Variants in WIPF3 observed in about 807,000 individuals in gnomAD.
The protein encoded by WIPF3 is WAS/WASL interacting protein family member 3.
A neutral mutation model predicts 38.9 loss-of-function variants in WIPF3; 33 were observed. The observed-to-expected ratio is 0.85, with a 90% CI of 0.64 to 1.14. The LOEUF is 1.14. WIPF3 is among the 50% of genes most tolerant of loss of function. The pLI is 0.00. For synonymous variants in WIPF3, 324 were observed against 269.3 expected (o/e 1.20, Z -1.99); for missense variants, 711 against 652.5 (o/e 1.09, Z -0.98).
intron 6 of WIPF3, among the ~76,000 whole-genome samples, chr7:29,888,764 G>C (rs995029830): frequency 2.0e-5 from 3 of 152,176 alleles, no homozygotes; most frequent in Non-Finnish European, 4.4e-5. Flanking sequence ...GCCCATGAAA[G>C]GGCCACAGGA....
chr7:29,867,392 T>C (rs1785407145), intron 2 of WIPF3, among the ~76,000 whole-genome samples: 1 of 152,140 alleles, frequency 6.6e-6, no homozygotes, highest in Non-Finnish European at 1.5e-5. Context: ...GTTATTTCAT[T>C]AGTTTGCAAA....
intron 8 of WIPF3, chr7:29,912,434 C>T (rs1373197891): frequency 6.5e-6 from 1 of 154,972 alleles, no homozygotes; most frequent in African/African-American, 2.4e-5. Flanking sequence ...GCGTATATAC[C>T]CAAAAGAACC....
At chr7:29,818,225 G>C (rs1784485477) in intron 1 of WIPF3, among the ~76,000 whole-genome samples, 1 of 151,996 alleles carries the variant, frequency 6.6e-6, no homozygotes, top group Non-Finnish European at 1.5e-5. Context: ...GCCGAGGTGG[G>C]GTGGATCACC....
chr7:29,839,996 T>C (rs1306915862), intron 2 of WIPF3, among the ~76,000 whole-genome samples: 1 of 152,238 alleles, frequency 6.6e-6, no homozygotes, highest in Non-Finnish European at 1.5e-5. Flanking sequence ...TCTCTTTTGT[T>C]ATATAAGTAT....
Position 29,888,183 on chromosome 7 carries a change from A to G in WIPF3, c.1215A>G (p.Gly405=). ...CCTGGACCCCGACGCAGCAGCCTGG[A>G]GGTCAACTGCGAAATGGAAGCCTGC... ...ATAWTPTQQP[G]GQLRNGSLHI... Residue 405 remains glycine, a synonymous_variant, in exon 6 of 9, where the codon GGA becomes GGG. Coordinates refer to ENST00000242140, the MANE Select transcript of WIPF3 (RefSeq NM_001080529.3). 1 of 1,612,504 alleles carries G rather than the reference A, an allele frequency of 6.2e-7. No homozygotes were observed. The highest frequency in any genetic ancestry group is 8.5e-7 in the Non-Finnish European group (1 of 1,179,234).
intron 1 of WIPF3, among the ~76,000 whole-genome samples, chr7:29,831,339 T>G (rs1202332573): frequency 6.6e-6 from 1 of 152,184 alleles, no homozygotes; most frequent in Non-Finnish European, 1.5e-5. Flanking sequence ...ACGGATTAGA[T>G]GGCGCCCACC....
intron 2 of WIPF3, among the ~76,000 whole-genome samples, chr7:29,858,916 AC>A (rs1350345420): frequency 1.3e-5 from 2 of 152,216 alleles, no homozygotes; most frequent in Non-Finnish European, 2.9e-5. Flanking sequence ...ACATTGAAGA[AC>A]CTATTTTATT....
At chr7:29,854,101 T>C (rs1357784060) in intron 2 of WIPF3, among the ~76,000 whole-genome samples, 4 of 152,238 alleles carry the variant, frequency 2.6e-5, no homozygotes, top group African/African-American at 9.6e-5. Flanking sequence ...CATGAATCAG[T>C]GAGGCACCCG....
chr7:29,815,349 G>C (rs535578312), intron 1 of WIPF3, among the ~76,000 whole-genome samples: 2 of 152,244 alleles, frequency 1.3e-5, no homozygotes, highest in East Asian at 3.9e-4. Flanking sequence ...TGTTGTTCTG[G>C]TTTTCACCCA....
intron 1 of WIPF3, among the ~76,000 whole-genome samples, chr7:29,832,624 A>G (rs1467889794): frequency 6.6e-6 from 1 of 152,206 alleles, no homozygotes. Flanking sequence ...AGCCTGAAAT[A>G]CTTTGTAAGA....
In WIPF3 at chr7:29,883,860, A is replaced by G. The variant is rs201392764; in HGVS notation, c.366A>G (p.Thr122=). 3 of 1,533,904 alleles carry G rather than the reference A, an allele frequency of 2.0e-6. No individual in the cohort carries two copies. Among genetic ancestry groups the G allele is most frequent in the Middle Eastern group, 1.8e-4 (1 of 5,696 alleles). ...CTCTTTCACTTCCAGGTGGCAAGACAGGGCAGGGCCCTGGCTCCCGCGCGC... is the reference window on the plus strand; with the variant it reads ...CTCTTTCACTTCCAGGTGGCAAGACGGGGCAGGGCCCTGGCTCCCGCGCGC... ...AGQRDVAGGK[T]GQGPGSRAPS... Residue 122 remains threonine (T), a synonymous_variant, in exon 5 of 9, where the codon ACA becomes ACG. Coordinates refer to ENST00000242140, the MANE Select transcript of WIPF3 (RefSeq NM_001080529.3).
At chr7:29,913,109 G>A (rs1786534084) in intron 8 of WIPF3, among the ~76,000 whole-genome samples, 1 of 152,184 alleles carries the variant, frequency 6.6e-6, no homozygotes, top group Non-Finnish European at 1.5e-5. Flanking sequence ...CACTTTGGGA[G>A]GCCAAGGCAG....
At chr7:29,824,437 A>G (rs142132356) in intron 1 of WIPF3, among the ~76,000 whole-genome samples, 22 of 152,332 alleles carry the variant, frequency 1.4e-4, no homozygotes, top group African/African-American at 4.8e-4. Context: ...AAGAAAGCCA[A>G]TGCAGAGAAG....
Position 29,916,724 on chromosome 7 carries a change from AGGAC to A in WIPF3, c.*2209_*2212del, listed in dbSNP as rs911415370. ...CGAGACCCTAACTCAAAAAAAAAAA[AGGAC>A]AGAGGGGAGGAAGGAGCAGAAACCA... On this transcript the variant is annotated 3_prime_UTR_variant, in exon 9 of 9. Transcript: ENST00000242140. 8 of 147,152 alleles carry A rather than the reference AGGAC, an allele frequency of 5.4e-5. No individual in the cohort carries two copies. Among genetic ancestry groups the A allele is most frequent in the Non-Finnish European group, 6.2e-5 (4 of 64,754 alleles). 9.1% of individuals were successfully genotyped at this position (147,152 alleles called of 1,614,324 possible).
chr7:29,820,072 G>C (rs1478155120), intron 1 of WIPF3, among the ~76,000 whole-genome samples: 2 of 151,964 alleles, frequency 1.3e-5, no homozygotes, highest in Non-Finnish European at 2.9e-5. Context: ...CACTAAATAT[G>C]ATAAGGACAG....
chr7:29,895,736 G>C (rs1266429091), intron 7 of WIPF3, among the ~76,000 whole-genome samples: 1 of 152,138 alleles, frequency 6.6e-6, no homozygotes, highest in Non-Finnish European at 1.5e-5. Context: ...GGAGCAACAG[G>C]GAGAGTGTTT....
chr7:29,814,733 A>C (rs750034749), intron 1 of WIPF3, among the ~76,000 whole-genome samples: 2 of 152,246 alleles, frequency 1.3e-5, no homozygotes, highest in Admixed American at 6.5e-5. Context: ...GTAAGTGACA[A>C]TCAGAATTGC....
At chr7:29,903,109 A>G (rs1469298191) in intron 7 of WIPF3, among the ~76,000 whole-genome samples, 4 of 152,012 alleles carry the variant, frequency 2.6e-5, no homozygotes, top group Non-Finnish European at 5.9e-5. Context: ...CCTGGGAAAC[A>G]TAGTGAGACC....
intron 1 of WIPF3, among the ~76,000 whole-genome samples, chr7:29,809,453 A>C (rs1047456573): frequency 3.3e-5 from 5 of 152,246 alleles, no homozygotes; most frequent in Non-Finnish European, 7.3e-5. Flanking sequence ...TTTAGAAAAG[A>C]ATCGTAATGT....
Sources: gnomAD v4.1 joint callset for allele counts (sites outside exome capture counted in the v4.1 genomes callset) on GRCh38, gnomAD v4.1.1 for gene constraint, MANE v1.5 for transcripts, NCBI Gene and HGNC (gene_info 2026-07-23, HGNC 2026-07-21) for gene names.